The following RBM25 variants were observed in gnomAD, a reference collection of about 807,000 sequenced individuals.
The protein encoded by RBM25 is RNA binding motif protein 25, also known as RNA-binding protein 25.
RBM25 carries 19 observed loss-of-function variants against 120.7 expected under a neutral mutation model. That is an observed-to-expected ratio of 0.16 (90% CI 0.11 to 0.23). The LOEUF is 0.23. RBM25 is among the 10% of genes least tolerant of loss of function. RBM25 has a pLI of 1.00. For missense variants in RBM25, 605 were observed against 1,041.5 expected (o/e 0.58, Z 5.77); for synonymous variants, 390 against 326.7 (o/e 1.19, Z -2.09).
At chr14:73,063,384 C>G (rs796933342) in intron 1 of RBM25, among the ~76,000 whole-genome samples, 5 of 151,092 alleles carry the variant, frequency 3.3e-5, no homozygotes, top group Non-Finnish European at 7.4e-5. Context: ...CTCCTGACTT[C>G]GTGATCCACC....
chr14:73,092,819 G>A (rs1432878770), intron 6 of RBM25, among the ~76,000 whole-genome samples: 2 of 151,862 alleles, frequency 1.3e-5, no homozygotes, highest in East Asian at 3.9e-4. Context: ...CTCCTGCTTC[G>A]GCCTCCCAAA....
In RBM25 at chr14:73,077,546, AC is replaced by A. The variant is rs1232683235; in HGVS notation, c.324+11del. 6.4e-7 allele frequency: 1 copy of A among 1,570,174 alleles called. No homozygotes were observed. Among genetic ancestry groups the A allele is most frequent in the African/African-American group, 1.4e-5 (1 of 72,432 alleles). On this transcript the variant is annotated intron_variant, in intron 4 of 18. Transcript: ENST00000261973. ...AAGACAACTCTTAGCTGTAAGTTAA[AC>A]TGTTTATTTTTCATTAAAAATTTTT...
chr14:73,087,607 G>C (rs1895718285), intron 5 of RBM25, among the ~76,000 whole-genome samples: 1 of 151,900 alleles, frequency 6.6e-6, no homozygotes, highest in Non-Finnish European at 1.5e-5. Context: ...GTGTTGGCCA[G>C]AATGGTCTCG....
At chr14:73,071,881 C>G in intron 2 of RBM25, 134 bp downstream of exon 2, 3 of 663,736 alleles carry the variant, frequency 4.5e-6, no homozygotes, top group South Asian at 4.1e-5. Context: ...ATGTGGATGT[C>G]TCTTTTTCCT....
rs143820942 is a variant in RBM25 at position 73,106,015 on chromosome 14, A to G, written c.1311A>G (p.Glu437=). ...KDKKRDREED[E]EDAYERRKLE... is the part of the protein sequence containing the mutation. ...AAAAACGGGACCGAGAAGAAGATGAAGAAGATGCATACGAACGAAGAAAAC... is the reference window on the plus strand; with the variant it reads ...AAAAACGGGACCGAGAAGAAGATGAGGAAGATGCATACGAACGAAGAAAAC... The change falls in exon 11 of 19, where the codon GAA becomes GAG. Residue 437 remains glutamate, a synonymous_variant. Coordinates refer to ENST00000261973, the MANE Select transcript of RBM25 (RefSeq NM_021239.3). The G allele has an allele frequency of 2.9e-5, 46 of 1,613,764 alleles. 1 individual carries two copies. In the Middle Eastern group the frequency reaches 6.6e-4, roughly 23 times the overall value.
chr14:73,123,164 C>T lies in RBM25; in HGVS notation c.*3359C>T, dbSNP rs1056656093. 2 of 151,634 alleles carry T rather than the reference C, an allele frequency of 1.3e-5. No homozygotes were observed. Among genetic ancestry groups the T allele is most frequent in the Admixed American group, 6.6e-5 (1 of 15,170 alleles). The allele number at this position is 151,634 out of a possible 1,614,324, so 9.4% of individuals were successfully genotyped here. On this transcript the variant is annotated 3_prime_UTR_variant, in exon 19 of 19. Transcript: ENST00000261973. ...GTAAGCTAATGATTATTTTGTGAAGCGTGCTGTTTCAGGTATTAATCTGCC... is the reference window on the plus strand; with the variant it reads ...GTAAGCTAATGATTATTTTGTGAAGTGTGCTGTTTCAGGTATTAATCTGCC...
At chr14:73,100,037 G>A in intron 9 of RBM25, 1 of 472,300 alleles carries the variant, frequency 2.1e-6, no homozygotes. Context: ...ATCAAGGTCA[G>A]ACTTAAATTA....
chr14:73,102,612 T>G (rs1289309633), intron 9 of RBM25: 1 of 152,332 alleles, frequency 6.6e-6, no homozygotes, highest in African/African-American at 2.4e-5. Context: ...CTGTCCATCT[T>G]GTAATGGTGG....
intron 5 of RBM25, among the ~76,000 whole-genome samples, chr14:73,087,006 A>G (rs1170782823): frequency 1.3e-5 from 2 of 152,182 alleles, no homozygotes. Context: ...CGCCCGGCCT[A>G]AAGGTACTTT....
intron 1 of RBM25, among the ~76,000 whole-genome samples, chr14:73,067,491 C>T (rs1815037699): frequency 6.6e-6 from 1 of 152,076 alleles, no homozygotes; most frequent in South Asian, 2.1e-4. Context: ...CTGCAGCCTC[C>T]ACCTCCCGGG....
chr14:73,103,986 ACACACACACT>A (rs1896123444), intron 10 of RBM25, among the ~76,000 whole-genome samples: 11 of 117,810 alleles, frequency 9.3e-5, no homozygotes, highest in African/African-American at 3.2e-4. Context: ...ACACACACAC[ACACACACACT>A]CTCTCTCTCT....
chr14:73,106,246 G>A lies in RBM25; in HGVS notation c.1428G>A (p.Glu476=), dbSNP rs1346474589. Residue 476 remains glutamate, a synonymous_variant, in exon 12 of 19, where the codon GAG becomes GAA. Coordinates refer to ENST00000261973, the MANE Select transcript of RBM25 (RefSeq NM_021239.3). ...IRERKKTREY[E]KEAEREEERR... ...AACGAAAGAAAACCCGGGAATATGA[G>A]AAAGAAGCTGAAAGAGAAGAAGAAA... 1.3e-6 allele frequency: 2 copies of A among 1,599,308 alleles called. No homozygotes were observed. Among genetic ancestry groups the A allele is most frequent in the Non-Finnish European group, 1.7e-6 (2 of 1,175,440 alleles).
Position 73,105,911 on chromosome 14 carries a change from AGAGAACGAGAGCGAGAAC to A in RBM25, c.1215_1232del (p.Arg421_Glu426del), listed in dbSNP as rs759964097. ...ACGAGAGCGGGAAAGAGAGAGAGAG[AGAGAACGAGAGCGAGAAC>A]GAGAACGGGAGCGAGAGAGAGAGCG... On this transcript the variant is annotated inframe_deletion, in exon 11 of 19. Coordinates refer to ENST00000261973, the MANE Select transcript of RBM25 (RefSeq NM_021239.3). 3.1e-6 allele frequency: 5 copies of A among 1,613,034 alleles called. No individual in the cohort carries two copies. The highest frequency in any genetic ancestry group is 2.2e-5 in the East Asian group (1 of 44,846).
At chr14:73,112,547 T>C (rs146597033) in intron 17 of RBM25, among the ~76,000 whole-genome samples, 1 of 152,106 alleles carries the variant, frequency 6.6e-6, no homozygotes, top group Non-Finnish European at 1.5e-5. Context: ...TTACTGCCAA[T>C]TGTGTGCTGT....
At chr14:73,095,142 C>T (rs905100910) in intron 6 of RBM25, among the ~76,000 whole-genome samples, 1 of 152,032 alleles carries the variant, frequency 6.6e-6, no homozygotes, top group African/African-American at 2.4e-5. Context: ...CGTGAGCCAC[C>T]GAGCCCTGCC....
Position 73,121,586 on chromosome 14 carries a change from T to C in RBM25, c.*1781T>C, listed in dbSNP as rs1896541769. 6.6e-6 allele frequency: 1 copy of C among 152,226 alleles called. No individual in the cohort carries two copies. The highest frequency in any genetic ancestry group is 6.5e-5 in the Admixed American group (1 of 15,286). The allele number at this position is 152,226 out of a possible 1,614,324, so 9.4% of individuals were successfully genotyped here. ...CTTGCCATTTTCGTTAATTTTTCAG[T>C]CTTTTCTTAGACACACCCCCAGCCT... On this transcript the variant is annotated 3_prime_UTR_variant, in exon 19 of 19. Transcript: ENST00000261973.
rs1416792326 is a variant in RBM25 at position 73,058,544 on chromosome 14, C to T, written c.-177C>T. The T allele has an allele frequency of 2.0e-5, 3 of 152,328 alleles. No homozygotes were observed. Among genetic ancestry groups the T allele is most frequent in the African/African-American group, 2.4e-5 (1 of 41,574 alleles). The allele number at this position is 152,328 out of a possible 1,614,324, so 9.4% of individuals were successfully genotyped here. On this transcript the variant is annotated 5_prime_UTR_variant, in exon 1 of 19. Coordinates refer to ENST00000261973, the MANE Select transcript of RBM25 (RefSeq NM_021239.3). ...CGCCGGGCAAGAGGAAGACCTCCAT[C>T]AGCTCGCCGCGCAGCGCGGCTGTAT...
At chr14:73,074,926 CCTGT>C (rs1480207685) in intron 2 of RBM25, among the ~76,000 whole-genome samples, 1 of 151,174 alleles carries the variant, frequency 6.6e-6, no homozygotes, top group Admixed American at 6.6e-5. Flanking sequence ...AAGCGATGTG[CCTGT>C]CTTGGCCTCC....
Position 73,097,097 on chromosome 14 carries a change from G to C in RBM25, c.726G>C (p.Glu242Asp), listed in dbSNP as rs547025558. 6.2e-7 allele frequency: 1 copy of C among 1,607,072 alleles called. No individual in the cohort carries two copies. Among genetic ancestry groups the C allele is most frequent in the Admixed American group, 1.7e-5 (1 of 58,524 alleles). ...HPRKKKKEKK[E>D]DIFRRFPVAP... ...GGAAGAAGAAGAAGGAAAAGAAGGA[G>C]GACGTATGTGTTCTGACAACAACAT... Residue 242 changes from glutamate (E) to aspartate (D), a missense_variant, in exon 7 of 19, where the codon GAG (glutamate) becomes GAC (aspartate). By Grantham distance (45) the Glu-to-Asp change is conservative. Around this residue, in one of 4 missense-constraint regions of RBM25, gnomAD observed 465 missense variants for 741.6 expected, o/e 0.63. Transcript: ENST00000261973.
Sources: gnomAD v4.1 joint callset for allele counts (sites outside exome capture counted in the v4.1 genomes callset) on GRCh38, gnomAD v4.1.1 for gene constraint, gnomAD v4.1.1 regional missense constraint, MANE v1.5 for transcripts, NCBI Gene and HGNC (gene_info 2026-07-23, HGNC 2026-07-21) for gene names.